The following STRN3 variants were observed in gnomAD, a reference collection of about 807,000 sequenced individuals.
STRN3 encodes striatin-3.
STRN3 carries 29 observed loss-of-function variants against 95.6 expected under a neutral mutation model. The ratio of observed to expected loss-of-function variants is 0.30; its 90% CI spans 0.23 to 0.41. The LOEUF (loss-of-function observed/expected upper bound fraction) is 0.41, where lower values mean the gene tolerates loss of function less well. Ranked by LOEUF, STRN3 falls within the 10% of genes least tolerant of loss-of-function variation. The pLI is 1.00. For missense variants in STRN3, 890 were observed against 972.1 expected (o/e 0.92, Z 1.12); for synonymous variants, 331 against 357.6 (o/e 0.93, Z 0.84).
At chr14:30,898,610 G>T (rs751721463) in intron 16 of STRN3, among the ~76,000 whole-genome samples, 1 of 152,154 alleles carries the variant, frequency 6.6e-6, no homozygotes, top group Non-Finnish European at 1.5e-5. Flanking sequence ...GGCTTTCACT[G>T]GTGACCACAT....
At chr14:30,946,807 G>A (rs1276556573) in intron 5 of STRN3, among the ~76,000 whole-genome samples, 1 of 151,906 alleles carries the variant, frequency 6.6e-6, no homozygotes, top group Admixed American at 6.6e-5. Context: ...GTGAAACCCC[G>A]TGTCTACTAA....
At chr14:30,966,281 A>G (rs186297066) in intron 1 of STRN3, among the ~76,000 whole-genome samples, 1 of 152,304 alleles carries the variant, frequency 6.6e-6, no homozygotes, top group African/African-American at 2.4e-5. Flanking sequence ...CCATTGTTCC[A>G]TCTGTAAGGG....
rs1555317339 is a variant in STRN3, at chr14:30,929,967, A to AAAAAAAAAACAAAAAACAAAAAAAC, written c.989-657_989-656insGTTTTTTTGTTTTTTGTTTTTTTTT. 3.3e-4 allele frequency among the ~76,000 whole-genome samples: 30 copies of AAAAAAAAAACAAAAAACAAAAAAAC among 91,208 alleles called. 1 individual carries two copies. Among genetic ancestry groups the AAAAAAAAAACAAAAAACAAAAAAAC allele is most frequent in the African/African-American group, 1.1e-3 (29 of 26,056 alleles). 59.8% of individuals were successfully genotyped at this position (91,208 alleles called of 152,430 possible). A position where few individuals can be genotyped will look rare whatever the true frequency, so the allele number is the denominator to read the frequency against. On this transcript the variant is annotated intron_variant, in intron 7 of 17. Coordinates refer to ENST00000357479, the MANE Select transcript of STRN3 (RefSeq NM_001083893.2). Reference sequence around the variant, plus strand: ...AACTAAGATTAGCAAAAAAAAAAAAAAAAAAAAAAAAACTCAAATTCCACT... The same window carrying AAAAAAAAAACAAAAAACAAAAAAAC: ...AACTAAGATTAGCAAAAAAAAAAAAAAAAAAAAAACAAAAAACAAAAAAACAAAAAAAAAAAACTCAAATTCCACT...
At chr14:30,979,949 C>T (rs1475380723) in intron 1 of STRN3, among the ~76,000 whole-genome samples, 3 of 151,824 alleles carry the variant, frequency 2.0e-5, no homozygotes, top group East Asian at 3.9e-4. Context: ...CATGTGAATG[C>T]ACATAAGAAT....
At chr14:30,986,815 TC>T (rs1052914568) in intron 1 of STRN3, among the ~76,000 whole-genome samples, 1 of 152,240 alleles carries the variant, frequency 6.6e-6, no homozygotes, top group Non-Finnish European at 1.5e-5. Flanking sequence ...ACTATTTTTT[TC>T]AGTAATGAAA....
intron 14 of STRN3, among the ~76,000 whole-genome samples, chr14:30,906,610 G>C (rs927058879): frequency 4.6e-5 from 7 of 151,900 alleles, no homozygotes; most frequent in South Asian, 2.1e-4. Context: ...GTCCCTATGA[G>C]TATCCTCATT....
chr14:30,907,105 C>T, intron 13 of STRN3, 61 bp from the exon 14 acceptor site: 1 of 1,564,894 alleles, frequency 6.4e-7, no homozygotes, highest in South Asian at 1.2e-5. Flanking sequence ...AACTTTGATA[C>T]ATAAAGAAAA....
At chr14:31,022,412 T>C (rs918157816) in intron 1 of STRN3, among the ~76,000 whole-genome samples, 3 of 151,842 alleles carry the variant, frequency 2.0e-5, no homozygotes, top group African/African-American at 7.3e-5. Context: ...ATAAACTCTT[T>C]GACTACATTT....
At chr14:30,983,461 C>A (rs1246784223) in intron 1 of STRN3, among the ~76,000 whole-genome samples, 2 of 152,212 alleles carry the variant, frequency 1.3e-5, no homozygotes, top group Non-Finnish European at 2.9e-5. Context: ...GGGGGAATCG[C>A]TTGAACCAGG....
intron 1 of STRN3, among the ~76,000 whole-genome samples, chr14:31,012,580 T>C (rs115492366): frequency 0.018 from 2,682 of 152,262 alleles, 74 homozygotes; most frequent in African/African-American, 0.061. Flanking sequence ...CACAAAATAC[T>C]ATGCAGCTGT....
At chr14:30,945,472 T>C (rs751752468) in intron 5 of STRN3, among the ~76,000 whole-genome samples, 10 of 151,968 alleles carry the variant, frequency 6.6e-5, no homozygotes, top group Non-Finnish European at 1.2e-4. Flanking sequence ...AGGCATGGTG[T>C]TGTGAACCTG....
At chr14:30,981,155 A>T (rs1881375881) in intron 1 of STRN3, among the ~76,000 whole-genome samples, 1 of 151,962 alleles carries the variant, frequency 6.6e-6, no homozygotes, top group African/African-American at 2.4e-5. Context: ...CTACAAAAAA[A>T]AGTTTAAAAA....
chr14:30,975,836 T>TAA (rs528570710), intron 1 of STRN3, among the ~76,000 whole-genome samples: 5,037 of 112,930 alleles, frequency 0.045, 241 homozygotes, highest in East Asian at 0.19. Context: ...CCTGGCTCTT[T>TAA]AAAAAAAAAA....
At chr14:30,899,742 C>CA (rs376787918) in intron 16 of STRN3, among the ~76,000 whole-genome samples, 1 of 148,612 alleles carries the variant, frequency 6.7e-6, no homozygotes, top group East Asian at 2.0e-4. Flanking sequence ...CTTGCACATA[C>CA]CCCCCCCACC....
intron 1 of STRN3, among the ~76,000 whole-genome samples, chr14:30,977,217 ACT>A (rs1226390233): frequency 1.3e-5 from 2 of 152,080 alleles, no homozygotes; most frequent in African/African-American, 2.4e-5. Flanking sequence ...CAAGAGCGAA[ACT>A]CTGTTTCAAA....
intron 1 of STRN3, among the ~76,000 whole-genome samples, chr14:30,973,432 T>C (rs1230591808): frequency 1.3e-5 from 2 of 151,710 alleles, no homozygotes; most frequent in African/African-American, 2.4e-5. Flanking sequence ...GAGACTCAAA[T>C]TACTAAAATC....
At chr14:31,005,569 G>A (rs1166401152) in intron 1 of STRN3, among the ~76,000 whole-genome samples, 1 of 152,160 alleles carries the variant, frequency 6.6e-6, no homozygotes. Context: ...GTGAATTGGG[G>A]TCTCGAGTTT....
rs1343756234 is a variant in STRN3 at position 30,936,567 on chromosome 14, A to G, written c.774T>C (p.Asp258=). 1.2e-6 allele frequency: 2 copies of G among 1,613,764 alleles called. No individual in the cohort carries two copies. Among genetic ancestry groups the G allele is most frequent in the Non-Finnish European group, 1.7e-6 (2 of 1,179,842 alleles). ...CGATCATGTCATTTTCCTCATCTTC[A>G]TCACTGTCATCGGCATTTTCTAAGA... is the stretch of plus-strand genomic sequence containing the variant. The part of the protein sequence containing the change: ...FNFLENADDS[D]EDEENDMIEG... The change falls in exon 6 of 18, where the codon GAT becomes GAC. Residue 258 remains aspartate (D), a synonymous_variant. Coordinates refer to ENST00000357479, the MANE Select transcript of STRN3 (RefSeq NM_001083893.2).
chr14:30,947,631 C>A (rs1333803160), intron 4 of STRN3, among the ~76,000 whole-genome samples: 1 of 152,038 alleles, frequency 6.6e-6, no homozygotes, highest in African/African-American at 2.4e-5. Context: ...AACACACACA[C>A]ATTTTTTAAT....
Sources: allele counts gnomAD v4.1 joint callset (sites outside exome capture counted in the v4.1 genomes callset), GRCh38; gene constraint gnomAD v4.1.1; transcripts MANE v1.5; gene names NCBI Gene and HGNC (gene_info 2026-07-23, HGNC 2026-07-21).